Variants in ANKRD30B observed in about 807,000 individuals in gnomAD.
ANKRD30B encodes the protein ankyrin repeat domain-containing protein 30B.
A neutral mutation model predicts 202.2 loss-of-function variants in ANKRD30B; 144 were observed. The observed-to-expected ratio is 0.71, with a 90% CI of 0.62 to 0.82. The LOEUF is 0.82. ANKRD30B is among the 40% of genes least tolerant of loss of function. The pLI, the probability that ANKRD30B is intolerant of heterozygous loss-of-function variation, is 0.00. For synonymous variants in ANKRD30B, 508 were observed against 561.3 expected, an observed-to-expected ratio of 0.91 and a Z score of 1.34; for missense variants, 1,487 against 1,669.1, an observed-to-expected ratio of 0.89 and a Z score of 1.90.
chr18:14,805,674 T>C (rs1424848345), intron 24 of ANKRD30B, among the ~76,000 whole-genome samples: 1 of 151,014 alleles, frequency 6.6e-6, no homozygotes, highest in Non-Finnish European at 1.5e-5. Context: ...ATATTTGTAA[T>C]GATATAAATT....
In ANKRD30B at chr18:14,773,981, G is replaced by T. The variant is rs11080792; in HGVS notation, c.1329+1753G>T. Among the ~76,000 whole-genome samples, 675 of 152,066 alleles carry T rather than the reference G, an allele frequency of 4.4e-3. 26 individuals carry two copies. Among genetic ancestry groups the T allele is most frequent in the East Asian group, 0.031 (160 of 5,170 alleles). ...ACTCAAGTTCTATTAAACATATCTTGTCAAGGAATACATTACTCTAAAATT... is the reference window on the plus strand; with the variant it reads ...ACTCAAGTTCTATTAAACATATCTTTTCAAGGAATACATTACTCTAAAATT... On this transcript the variant is annotated intron_variant, in intron 9 of 43. Coordinates refer to ENST00000690538, the MANE Select transcript of ANKRD30B (RefSeq NM_001367607.2).
At chr18:14,885,836 C>T in the ANKRD30B span, among the ~76,000 whole-genome samples, 1 of 151,880 alleles carries the variant, frequency 6.6e-6, no homozygotes. Context: ...GTTTTGTTCA[C>T]TGCTTTGAAA....
At chr18:14,754,742 G>T (rs1367389423) in intron 3 of ANKRD30B, among the ~76,000 whole-genome samples, 157 bp from the exon 4 acceptor site, 1 of 152,010 alleles carries the variant, frequency 6.6e-6, no homozygotes, top group Non-Finnish European at 1.5e-5. Flanking sequence ...GCAGTGCATG[G>T]GAAAGCACAG....
chr18:14,938,656 G>A, the ANKRD30B span, among the ~76,000 whole-genome samples: 1 of 152,156 alleles, frequency 6.6e-6, no homozygotes, highest in Admixed American at 6.5e-5. Flanking sequence ...CTTGAACCTC[G>A]CTGACCAGAT....
intron 15 of ANKRD30B, among the ~76,000 whole-genome samples, chr18:14,790,568 A>G (rs1160957914): frequency 2.0e-5 from 3 of 152,168 alleles, no homozygotes; most frequent in Admixed American, 6.5e-5. Flanking sequence ...CGTCCCATCA[A>G]TACCTAATTT....
intron 14 of ANKRD30B, among the ~76,000 whole-genome samples, chr18:14,785,834 C>T (rs1403751475): frequency 2.6e-5 from 4 of 151,966 alleles, no homozygotes; most frequent in East Asian, 1.9e-4. Context: ...GTCAGGAGAT[C>T]GAGACCATCC....
chr18:14,922,618 G>A, the ANKRD30B span, among the ~76,000 whole-genome samples: 21 of 143,642 alleles, frequency 1.5e-4, no homozygotes, highest in African/African-American at 4.5e-4. Flanking sequence ...TCGCGCCACC[G>A]CACTCCAGCC....
chr18:14,930,580 G>C, the ANKRD30B span, among the ~76,000 whole-genome samples: 1 of 152,088 alleles, frequency 6.6e-6, no homozygotes, highest in Non-Finnish European at 1.5e-5. Context: ...ATGGACGCTG[G>C]GTGTGCTATG....
the ANKRD30B span, among the ~76,000 whole-genome samples, chr18:14,860,006 G>C: frequency 7.0e-6 from 1 of 142,856 alleles, no homozygotes; most frequent in Non-Finnish European, 1.5e-5. Flanking sequence ...CAGACAGGGT[G>C]GGAGCTGGGC....
the ANKRD30B span, among the ~76,000 whole-genome samples, chr18:14,927,761 A>T: frequency 6.6e-6 from 1 of 152,208 alleles, no homozygotes; most frequent in South Asian, 2.1e-4. Flanking sequence ...GAGAATTTTG[A>T]GCTAACTTAG....
chr18:14,914,517 A>G, the ANKRD30B span, among the ~76,000 whole-genome samples: 3 of 152,200 alleles, frequency 2.0e-5, no homozygotes, highest in Non-Finnish European at 4.4e-5. Context: ...TGTTAGACCA[A>G]ATAGACAGCA....
rs1209107462 is a variant in ANKRD30B, at chr18:14,822,650, T to A, written c.2716T>A (p.Leu906Met). The A allele has an allele frequency of 1.5e-5, 22 of 1,464,044 alleles. No individual in the cohort carries two copies. The Admixed American group carries it at 5.1e-4, about 34-fold the overall frequency. The allele number at this position is 1,464,044 out of a possible 1,614,324, so 90.7% of individuals were successfully genotyped here. ...TTCTCTTCCAAATAAAGCCTTAGAA[T>A]TGAAGGACAGAGAAACATTCAAAGC... is the stretch of plus-strand genomic sequence containing the variant. ...KISLPNKALE[L>M]KDRETFKAED... Residue 906 changes from leucine (L) to methionine (M), a missense_variant, in exon 32 of 44, where the codon TTG becomes ATG. By Grantham distance (15) the Leu-to-Met change is conservative. Transcript: ENST00000690538.
chr18:14,875,995 T>G, the ANKRD30B span, among the ~76,000 whole-genome samples: 1 of 152,144 alleles, frequency 6.6e-6, no homozygotes, highest in East Asian at 1.9e-4. Flanking sequence ...CAAGGTGGTC[T>G]TGCCTGAAAC....
the ANKRD30B span, among the ~76,000 whole-genome samples, chr18:14,887,972 A>C: frequency 6.6e-6 from 1 of 152,072 alleles, no homozygotes. Context: ...AAGTAAGATG[A>C]AGTACAGTAT....
chr18:14,843,479 A>G (rs2143200805), intron 39 of ANKRD30B, among the ~76,000 whole-genome samples: 1 of 151,668 alleles, frequency 6.6e-6, no homozygotes, highest in East Asian at 1.9e-4. Flanking sequence ...TTGTGTTTTA[A>G]CATTGGTTAC....
intron 42 of ANKRD30B, 172 bp downstream of exon 42, chr18:14,852,592 G>A (rs941782251): frequency 4.6e-5 from 41 of 883,810 alleles, no homozygotes; most frequent in Non-Finnish European, 6.0e-5. Flanking sequence ...GCTAAGAGAC[G>A]TTTTACTTTG....
intron 6 of ANKRD30B, among the ~76,000 whole-genome samples, chr18:14,762,085 A>G (rs59012886): frequency 0.085 from 12,954 of 152,222 alleles, 702 homozygotes; most frequent in South Asian, 0.22. Flanking sequence ...AGGAAAAAAT[A>G]TATTCACTAT....
the ANKRD30B span, among the ~76,000 whole-genome samples, chr18:14,866,693 G>T: frequency 1.3e-5 from 2 of 152,154 alleles, no homozygotes; most frequent in Non-Finnish European, 2.9e-5. Context: ...TGGTGGGGTG[G>T]GTTGGGTGTG....
chr18:14,748,224 C>T lies in ANKRD30B; in HGVS notation c.-196C>T, dbSNP rs1912783196. The T allele has an allele frequency of 2.1e-6, 1 of 477,978 alleles. No homozygotes were observed. Among genetic ancestry groups the T allele is most frequent in the Non-Finnish European group, 3.7e-6 (1 of 272,270 alleles). The allele number at this position is 477,978 out of a possible 1,614,324, so 29.6% of individuals were successfully genotyped here. A position where few individuals can be genotyped will look rare whatever the true frequency, so the allele number is the denominator to read the frequency against. On this transcript the variant is annotated 5_prime_UTR_variant, in exon 1 of 44. Transcript: ENST00000690538. Reference sequence around the variant, plus strand: ...CGGCTCTGCTCAGAATTTCTCCCGACAGAGGCCGGAGTGTTCAAGAGCTTG... The same window carrying T: ...CGGCTCTGCTCAGAATTTCTCCCGATAGAGGCCGGAGTGTTCAAGAGCTTG...
Sources: gnomAD v4.1 joint callset for allele counts (sites outside exome capture counted in the v4.1 genomes callset) on GRCh38, gnomAD v4.1.1 for gene constraint, MANE v1.5 for transcripts, NCBI Gene and HGNC (gene_info 2026-07-23, HGNC 2026-07-21) for gene names.